RAB27A: variants seen among roughly 807,000 people sequenced by gnomAD.
RAB27A encodes RAB27A, member RAS oncogene family, also known as ras-related protein Rab-27A.
A neutral mutation model predicts 20.8 loss-of-function variants in RAB27A; 17 were observed. That is an observed-to-expected ratio of 0.82 (90% CI 0.56 to 1.23). The LOEUF is 1.23. Ranked by LOEUF, RAB27A falls within the 50% of genes most tolerant of loss-of-function variation. RAB27A has a pLI of 0.00. For missense variants in RAB27A, 277 were observed against 266.7 expected, an observed-to-expected ratio of 1.04 and a Z score of -0.27; for synonymous variants, 85 against 92.8, an observed-to-expected ratio of 0.92 and a Z score of 0.48.
chr15:55,232,591 G>A (rs12324775), intron 3 of RAB27A, among the ~76,000 whole-genome samples: 12 of 152,000 alleles, frequency 7.9e-5, no homozygotes, highest in African/African-American at 1.4e-4. Context: ...GTAACATAGC[G>A]GTCCTCTAAA....
intron 1 of RAB27A, among the ~76,000 whole-genome samples, chr15:55,271,912 T>C (rs1357640383): frequency 6.6e-6 from 1 of 152,210 alleles, no homozygotes; most frequent in Non-Finnish European, 1.5e-5. Flanking sequence ...CTGACATCTC[T>C]TCTCATGGTA....
At chr15:55,215,945 CAAAAAAA>C (rs1162706734) in intron 6 of RAB27A, among the ~76,000 whole-genome samples, 7 of 52,888 alleles carry the variant, frequency 1.3e-4, no homozygotes, top group East Asian at 6.2e-4. Context: ...GACGCCGTCT[CAAAAAAA>C]AAAAAAAAAA....
chr15:55,250,105 G>C (rs562776118), intron 2 of RAB27A, among the ~76,000 whole-genome samples: 1 of 152,046 alleles, frequency 6.6e-6, no homozygotes, highest in Non-Finnish European at 1.5e-5. Flanking sequence ...TGCGACTAAA[G>C]GCCTGCGCAA....
At chr15:55,291,976 G>A (rs1898322376), upstream of RAB27A, among the ~76,000 whole-genome samples, 1 of 152,168 alleles carries the variant, frequency 6.6e-6, no homozygotes. Context: ...AACTTAGAAT[G>A]AATGAGGGCA....
chr15:55,298,195 A>G (rs1183491197), intron 2 of RAB27A, among the ~76,000 whole-genome samples: 1 of 135,546 alleles, frequency 7.4e-6, no homozygotes, highest in African/African-American at 2.9e-5. Context: ...ACAGAGCAAG[A>G]CTCCGTCTCA....
intron 1 of RAB27A, among the ~76,000 whole-genome samples, chr15:55,282,732 C>A (rs1898048328): frequency 6.6e-6 from 1 of 152,048 alleles, no homozygotes; most frequent in Admixed American, 6.6e-5. Context: ...TGGAAGCACA[C>A]AATAGACAGG....
chr15:55,249,479 T>C (rs1420363306), intron 2 of RAB27A, among the ~76,000 whole-genome samples: 1 of 152,172 alleles, frequency 6.6e-6, no homozygotes, highest in Non-Finnish European at 1.5e-5. Flanking sequence ...GGTGTCACTA[T>C]GTTGCTGCCC....
At chr15:55,313,027 C>A (rs1397995109) in intron 2 of RAB27A, among the ~76,000 whole-genome samples, 13 of 152,188 alleles carry the variant, frequency 8.5e-5, no homozygotes, top group Non-Finnish European at 1.9e-4. Context: ...ACACAAACAA[C>A]AGAATTCCAG....
rs1271207849 is a variant in RAB27A at position 55,307,509 on chromosome 15, C to T, written c.-112+6530G>A. Among the ~76,000 whole-genome samples the T allele has an allele frequency of 4.6e-5, 7 of 152,064 alleles. No individual in the cohort carries two copies. The South Asian group carries it at 6.2e-4, about 14-fold the overall frequency. On this transcript the variant is annotated intron_variant, in intron 2 of 5. Transcript: ENST00000563262. ...AGTGTAAGTGATATTCTATACCTAA[C>T]GCCTGGGATACTCCCTGGGTTACTG...
At chr15:55,226,089 C>T (rs1166533471) in intron 5 of RAB27A, among the ~76,000 whole-genome samples, 1 of 152,060 alleles carries the variant, frequency 6.6e-6, no homozygotes, top group Non-Finnish European at 1.5e-5. Flanking sequence ...GGTTTTTGCA[C>T]CACTTATGGG....
In RAB27A at chr15:55,303,454, C is replaced by T. The variant is rs62018099; in HGVS notation, c.-112+10585G>A. Among the ~76,000 whole-genome samples the T allele has an allele frequency of 3.5e-5, 2 of 57,788 alleles. 1 individual carries two copies. Among genetic ancestry groups the T allele is most frequent in the Non-Finnish European group, 5.6e-5 (2 of 35,740 alleles). 37.9% of individuals were successfully genotyped at this position (57,788 alleles called of 152,430 possible). On this transcript the variant is annotated intron_variant, in intron 2 of 5. Transcript: ENST00000563262. ...GGAGTTGGGGTGTCAGCCCTCCGCC[C>T]GGCCAGCCGCCCCGTCTGGGAGGTG...
At chr15:55,317,023 T>A (rs1031484568) in intron 1 of RAB27A, among the ~76,000 whole-genome samples, 1 of 152,170 alleles carries the variant, frequency 6.6e-6, no homozygotes, top group Admixed American at 6.5e-5. Context: ...ACACTGAGAC[T>A]GGCACCCCAT....
chr15:55,206,758 T>G (rs147382703), intron 6 of RAB27A, among the ~76,000 whole-genome samples: 1 of 152,142 alleles, frequency 6.6e-6, no homozygotes, highest in Non-Finnish European at 1.5e-5. Context: ...CTTTTTGACA[T>G]TGGAATAAGA....
At chr15:55,242,836 T>C (rs1217744965) in intron 2 of RAB27A, among the ~76,000 whole-genome samples, 1 of 152,136 alleles carries the variant, frequency 6.6e-6, no homozygotes, top group Non-Finnish European at 1.5e-5. Context: ...AGAAGGTAAA[T>C]GAATAGTCTG....
intron 2 of RAB27A, among the ~76,000 whole-genome samples, chr15:55,242,017 C>T (rs533725966): frequency 7.9e-5 from 12 of 152,172 alleles, no homozygotes; most frequent in African/African-American, 2.9e-4. Context: ...TACACACACA[C>T]AGACATATCA....
intron 1 of RAB27A, among the ~76,000 whole-genome samples, chr15:55,275,311 A>T (rs1028881714): frequency 6.6e-6 from 1 of 151,986 alleles, no homozygotes; most frequent in African/African-American, 2.4e-5. Flanking sequence ...AAGCTGCTGC[A>T]CAGCAAAGGA....
At chr15:55,287,648 G>C (rs1300360054) in intron 1 of RAB27A, among the ~76,000 whole-genome samples, 3 of 152,074 alleles carry the variant, frequency 2.0e-5, no homozygotes, top group African/African-American at 7.2e-5. Context: ...TCAGGAGGAT[G>C]AGGCAGGAGA....
intron 6 of RAB27A, among the ~76,000 whole-genome samples, chr15:55,216,059 T>TGCC (rs1895288173): frequency 6.6e-6 from 1 of 152,066 alleles, no homozygotes; most frequent in Non-Finnish European, 1.5e-5. Flanking sequence ...TTAACCTCTG[T>TGCC]GCCTCCGCTG....
chr15:55,294,522 A>C (rs1251332211), upstream of RAB27A, among the ~76,000 whole-genome samples: 3 of 133,940 alleles, frequency 2.2e-5, no homozygotes, highest in Non-Finnish European at 4.7e-5. Flanking sequence ...CAGGAAGCGG[A>C]GGTTGCAGTG....
Sources: gnomAD v4.1 joint callset for allele counts (sites outside exome capture counted in the v4.1 genomes callset) on GRCh38, gnomAD v4.1.1 for gene constraint, MANE v1.5 for transcripts, NCBI Gene and HGNC (gene_info 2026-07-23, HGNC 2026-07-21) for gene names.